The following PHIP variants were observed in gnomAD, a reference collection of about 807,000 sequenced individuals.
PHIP encodes PH-interacting protein.
In PHIP, 54 loss-of-function variants were observed where a neutral mutation model predicts 236.8. The observed-to-expected ratio is 0.23, with a 90% CI of 0.18 to 0.29. The LOEUF (loss-of-function observed/expected upper bound fraction) is 0.29. Ranked by LOEUF, PHIP falls within the 10% of genes least tolerant of loss-of-function variation. The pLI is 1.00. For missense variants in PHIP, 1,370 were observed against 2,190.8 expected, an observed-to-expected ratio of 0.63 and a Z score of 7.48; for synonymous variants, 756 against 718.9, an observed-to-expected ratio of 1.05 and a Z score of -0.83.
At chr6:79,017,888 AT>A (rs1248043700) in intron 10 of PHIP, among the ~76,000 whole-genome samples, 6 of 152,038 alleles carry the variant, frequency 3.9e-5, no homozygotes, top group African/African-American at 1.4e-4. Context: ...ACTAGAAAAT[AT>A]TTCTCTCGCA....
At chr6:79,024,771 A>G (rs1242917552) in intron 9 of PHIP, among the ~76,000 whole-genome samples, 1 of 152,122 alleles carries the variant, frequency 6.6e-6, no homozygotes, top group African/African-American at 2.4e-5. Flanking sequence ...CGACACTGCA[A>G]TCCAGCCTGG....
intron 4 of PHIP, among the ~76,000 whole-genome samples, chr6:79,065,760 T>C (rs1429435370): frequency 7.7e-6 from 1 of 130,210 alleles, no homozygotes; most frequent in African/African-American, 3.0e-5. Flanking sequence ...TGCTCTTAAC[T>C]ATACCACACA....
intron 6 of PHIP, among the ~76,000 whole-genome samples, chr6:79,047,116 G>C (rs975533005): frequency 6.6e-6 from 1 of 151,988 alleles, no homozygotes; most frequent in South Asian, 2.1e-4. Flanking sequence ...AGTAAAAAAG[G>C]AGCAAAATAC....
chr6:79,007,561 A>G (rs1218365069), intron 15 of PHIP, among the ~76,000 whole-genome samples: 1 of 152,036 alleles, frequency 6.6e-6, no homozygotes, highest in Non-Finnish European at 1.5e-5. Flanking sequence ...CTTAACACAA[A>G]GTAGGAAGGT....
At chr6:78,942,127 A>T (rs187431614) in intron 39 of PHIP, among the ~76,000 whole-genome samples, 1 of 152,316 alleles carries the variant, frequency 6.6e-6, no homozygotes, top group African/African-American at 2.4e-5. Context: ...CTGCTTTTAA[A>T]GAGAATACAT....
chr6:78,982,276 A>G (rs1768590438), intron 23 of PHIP, among the ~76,000 whole-genome samples: 2 of 152,146 alleles, frequency 1.3e-5, no homozygotes. Context: ...TTCTTCCTAT[A>G]ATATTTCTTA....
chr6:78,970,852 C>T lies in PHIP; in HGVS notation c.2926G>A (p.Glu976Lys), dbSNP rs746754296. 1.6e-5 allele frequency: 25 copies of T among 1,610,482 alleles called. No individual in the cohort carries two copies. The highest frequency in any genetic ancestry group is 2.0e-5 in the Non-Finnish European group (24 of 1,178,490). Reference protein sequence around the residue: ...YFRQGHEAYVEMARKNKIYSI... With the variant: ...YFRQGHEAYVKMARKNKIYSI... ...TATATTTTATTTTTCCGGGCCATTT[C>T]GACATAGGCTTCATGTCCTTGTCGG... The change falls in exon 25 of 40, where the codon GAA (glutamate) becomes AAA (lysine). Residue 976 changes from glutamate (E) to lysine (K), a missense_variant. By Grantham distance (56) the Glu-to-Lys change is moderately conservative. This residue lies in a region of PHIP where 238 missense variants were observed against 398.5 expected (regional missense o/e 0.60). Transcript: ENST00000275034.
rs1461608270 is a variant in PHIP at position 79,008,577 on chromosome 6, A to C, written c.1525-4719T>G. On this transcript the variant is annotated intron_variant, in intron 15 of 39. Coordinates refer to ENST00000275034, the MANE Select transcript of PHIP (RefSeq NM_017934.7). Reference sequence around the variant, plus strand: ...ATTAGCATGGTGTGTCTTCCTTGACACACCCTCTTAAGGATTGTGACCCCT... The same window carrying C: ...ATTAGCATGGTGTGTCTTCCTTGACCCACCCTCTTAAGGATTGTGACCCCT... Among the ~76,000 whole-genome samples the C allele has an allele frequency of 4.5e-5, 5 of 111,736 alleles. No individual in the cohort carries two copies. In the South Asian group the frequency reaches 1.9e-3, roughly 43 times the overall value. 73.3% of individuals were successfully genotyped at this position (111,736 alleles called of 152,430 possible).
rs1767406859 is a variant in PHIP at position 78,969,847 on chromosome 6, G to A, written c.3193C>T (p.Arg1065Ter). ...RQQFDDAKYR[R>*]WNIGDRFRSV... is the part of the protein sequence containing the mutation. ...ATAAATTACCCACCTATATTCCATC[G>A]CCTGTATTTTGCATCATCAAATTGT... Residue 1065 changes from arginine (R) to a stop codon, truncating the protein, a stop_gained, in exon 27 of 40, where the codon CGA becomes TGA. Transcript: ENST00000275034. LOFTEE classifies it high-confidence loss of function. The A allele has an allele frequency of 6.4e-7, 1 of 1,552,078 alleles. No homozygotes were observed. Among genetic ancestry groups the A allele is most frequent in the Non-Finnish European group, 8.9e-7 (1 of 1,129,870 alleles).
intron 7 of PHIP, among the ~76,000 whole-genome samples, chr6:79,027,685 C>A (rs1771475629): frequency 6.6e-6 from 1 of 152,080 alleles, no homozygotes; most frequent in Non-Finnish European, 1.5e-5. Context: ...AAGTGTTTAA[C>A]CACTGTTAAT....
Position 78,940,786 on chromosome 6 carries a change from C to T in PHIP, c.5373G>A (p.Leu1791=), listed in dbSNP as rs781312778. Residue 1791 remains leucine, a synonymous_variant, in exon 40 of 40, where the codon TTG becomes TTA. Coordinates refer to ENST00000275034, the MANE Select transcript of PHIP (RefSeq NM_017934.7). The part of the protein sequence containing the change: ...DDSEEEQRQL[L]FEDTSLTFGT... ...CAAAAGTTAAAGAGGTGTCTTCGAA[C>T]AACAGCTGCCTTTGCTCCTCTTCAG... is the stretch of plus-strand genomic sequence containing the variant. 3.7e-6 allele frequency: 6 copies of T among 1,613,742 alleles called. No homozygotes were observed. Among genetic ancestry groups the T allele is most frequent in the Middle Eastern group, 1.6e-4 (1 of 6,084 alleles).
intron 32 of PHIP, chr6:78,956,819 T>C (rs1038122564): frequency 6.6e-5 from 10 of 152,116 alleles, no homozygotes; most frequent in Admixed American, 6.5e-4. Flanking sequence ...CCTATTCTTA[T>C]CTAAACTTTT....
At chr6:79,000,239 A>C (rs1238130161) in intron 17 of PHIP, among the ~76,000 whole-genome samples, 1 of 152,048 alleles carries the variant, frequency 6.6e-6, no homozygotes, top group East Asian at 1.9e-4. Flanking sequence ...GAATCAGAAC[A>C]CTGAAAAATT....
chr6:79,043,967 A>G (rs144318848), intron 6 of PHIP, among the ~76,000 whole-genome samples: 260 of 152,136 alleles, frequency 1.7e-3, no homozygotes, highest in African/African-American at 5.6e-3. Flanking sequence ...CCCAGTAATT[A>G]TGCCCTAAAG....
intron 17 of PHIP, among the ~76,000 whole-genome samples, chr6:78,999,257 G>A (rs114104620): frequency 1.3e-5 from 2 of 152,078 alleles, no homozygotes; most frequent in African/African-American, 4.8e-5. Context: ...ACACCTTCAT[G>A]CACTGAAACT....
intron 31 of PHIP, 56 bp from the exon 32 acceptor site, chr6:78,958,656 C>A (rs1399905337): frequency 9.4e-7 from 1 of 1,063,152 alleles, no homozygotes; most frequent in Non-Finnish European, 1.4e-6. Flanking sequence ...AATATGTGTA[C>A]ATCATTTAAA....
intron 4 of PHIP, among the ~76,000 whole-genome samples, chr6:79,071,709 G>A (rs1297215385): frequency 2.6e-5 from 4 of 152,018 alleles, no homozygotes; most frequent in Admixed American, 2.6e-4. Context: ...TATGAATTCT[G>A]AAATTTATAC....
chr6:79,065,547 G>C (rs1484417000), intron 4 of PHIP, among the ~76,000 whole-genome samples: 1 of 151,972 alleles, frequency 6.6e-6, no homozygotes, highest in Non-Finnish European at 1.5e-5. Flanking sequence ...ACTCTTCCAT[G>C]TGTCTCAGAT....
chr6:78,944,244 A>G (rs1296885207), intron 39 of PHIP, among the ~76,000 whole-genome samples: 1 of 152,232 alleles, frequency 6.6e-6, no homozygotes, highest in African/African-American at 2.4e-5. Flanking sequence ...GAGCCAAGTA[A>G]TAAAGAGTCT....
Sources: gnomAD v4.1 joint callset for allele counts (sites outside exome capture counted in the v4.1 genomes callset) on GRCh38, gnomAD v4.1.1 for gene constraint, gnomAD v4.1.1 regional missense constraint, MANE v1.5 for transcripts, NCBI Gene and HGNC (gene_info 2026-07-23, HGNC 2026-07-21) for gene names.